SHANK1: variants seen among roughly 807,000 people sequenced by gnomAD.
The protein encoded by SHANK1 is SH3 and multiple ankyrin repeat domains protein 1.
Under a neutral mutation model 165.6 loss-of-function variants are expected in SHANK1, and 35 were observed. The observed-to-expected ratio is 0.21, with a 90% CI of 0.16 to 0.28. The LOEUF (loss-of-function observed/expected upper bound fraction) is 0.28. Ranked by LOEUF, SHANK1 falls within the 10% of genes least tolerant of loss-of-function variation. The pLI, the probability that SHANK1 is intolerant of heterozygous loss-of-function variation, is 1.00. For missense variants in SHANK1, 2,681 were observed against 3,036.4 expected (o/e 0.88, Z 2.75); for synonymous variants, 1,428 against 1,384.8 (o/e 1.03, Z -0.69).
rs1328318364 is a variant in SHANK1 at position 50,713,617 on chromosome 19, T to G, written c.792+181A>C. On this transcript the variant is annotated intron_variant, in intron 6 of 23. Transcript: ENST00000293441. This position sits in a 1 kb window ranked among gnomAD's most constrained non-coding sequence, Gnocchi z 6.2. ...GTCAGCTATAGCCCAGGTGGGTGCA[T>G]CTGGGGGGCCTGACAAGGGTGACAA... Among the ~76,000 whole-genome samples the G allele has an allele frequency of 6.6e-6, 1 of 151,890 alleles. No homozygotes were observed. The highest frequency in any genetic ancestry group is 1.5e-5 in the Non-Finnish European group (1 of 67,970).
At chr19:50,679,111 G>A (rs1986085327) in intron 21 of SHANK1, among the ~76,000 whole-genome samples, 2 of 130,988 alleles carry the variant, frequency 1.5e-5, no homozygotes, top group African/African-American at 5.9e-5. Context: ...CAGGGTGTGG[G>A]GAGGGGTCAG....
intron 22 of SHANK1, among the ~76,000 whole-genome samples, chr19:50,671,507 C>G (rs866881550): frequency 7.3e-5 from 11 of 150,554 alleles, no homozygotes; most frequent in Non-Finnish European, 1.5e-4. Context: ...TTTTCCATAG[C>G]ACGTACAACT....
In SHANK1 at chr19:50,662,712, G is replaced by T; in HGVS notation, c.5769-30C>A. ...AATGTGACAAGGGGGCAGTGGGGGA[G>T]GACAGGGATTTAGGGGGCAAGGGCA... On this transcript the variant is annotated intron_variant, in intron 23 of 23. Transcript: ENST00000293441. This position sits in a 1 kb window ranked among gnomAD's most constrained non-coding sequence, Gnocchi z 7.7. 6.4e-7 allele frequency: 1 copy of T among 1,554,666 alleles called. No homozygotes were observed. The highest frequency in any genetic ancestry group is 1.2e-5 in the South Asian group (1 of 84,262).
intron 21 of SHANK1, among the ~76,000 whole-genome samples, chr19:50,676,966 G>A (rs1208008128): frequency 6.6e-6 from 1 of 152,064 alleles, no homozygotes; most frequent in Non-Finnish European, 1.5e-5. Context: ...CCTGCTACCT[G>A]GAATGCTGGT....
rs1378593305 is a variant in SHANK1 at position 50,670,719 on chromosome 19, G to A, written c.2674+1299C>T. On this transcript the variant is annotated intron_variant, in intron 22 of 23. Transcript: ENST00000293441. This position sits in a 1 kb window ranked among gnomAD's most constrained non-coding sequence, Gnocchi z 4.1. ...AGCCCGACCTCAGGACCTTTGCAGA[G>A]GTAGTTCGCTCTGCCTGGAATGCCT... Among the ~76,000 whole-genome samples the A allele has an allele frequency of 1.3e-5, 2 of 152,176 alleles. No individual in the cohort carries two copies. Among genetic ancestry groups the A allele is most frequent in the Non-Finnish European group, 2.9e-5 (2 of 68,042 alleles).
chr19:50,695,397 A>T (rs1599860644), intron 15 of SHANK1, among the ~76,000 whole-genome samples: 1 of 63,310 alleles, frequency 1.6e-5, no homozygotes, highest in East Asian at 5.0e-4. Context: ...CGGGCGGCGG[A>T]GGGGGCCGGG....
chr19:50,686,580 G>C lies in SHANK1; in HGVS notation c.2458+164C>G, dbSNP rs1043606077. Among the ~76,000 whole-genome samples, 1 of 152,080 alleles carries C rather than the reference G, an allele frequency of 6.6e-6. No individual in the cohort carries two copies. Among genetic ancestry groups the C allele is most frequent in the Non-Finnish European group, 1.5e-5 (1 of 68,004 alleles). ...GTGGGAAGGGGTGCGGGCAGGGAAC[G>C]GGGCAGCCGTCGGGAGAGGGCGGGC... On this transcript the variant is annotated intron_variant, in intron 20 of 23. Transcript: ENST00000293441. The surrounding 1 kb of genome is among the most constrained non-coding windows in gnomAD (Gnocchi z 5.7).
rs2089093194 is a variant in SHANK1 at position 50,718,414 on chromosome 19, G to A, written c.-44+992C>T. Among the ~76,000 whole-genome samples the A allele has an allele frequency of 6.6e-6, 1 of 152,130 alleles. No homozygotes were observed. Among genetic ancestry groups the A allele is most frequent in the South Asian group, 2.1e-4 (1 of 4,830 alleles). On this transcript the variant is annotated intron_variant, in intron 1 of 23. Coordinates refer to ENST00000293441, the MANE Select transcript of SHANK1 (RefSeq NM_016148.5). This position sits in a 1 kb window ranked among gnomAD's most constrained non-coding sequence, Gnocchi z 5.1. The stretch of plus-strand genomic sequence containing the variant: ...CTGACCCCCAGCCTCAACCCCGCTC[G>A]GAGGGGGTGGCCGGTGGGATGAAAG...
intron 21 of SHANK1, among the ~76,000 whole-genome samples, chr19:50,681,408 T>C (rs916587954): frequency 2.6e-5 from 4 of 151,666 alleles, no homozygotes; most frequent in Non-Finnish European, 5.9e-5. Context: ...TGCTTGTGAG[T>C]TTCATTTCTA....
At chr19:50,683,742 G>C (rs1986247295) in intron 21 of SHANK1, among the ~76,000 whole-genome samples, 1 of 152,060 alleles carries the variant, frequency 6.6e-6, no homozygotes, top group Non-Finnish European at 1.5e-5. Context: ...CCACACATAG[G>C]GCTACTCAAG....
At chr19:50,689,150 T>C (rs775525624) in intron 16 of SHANK1, 47 bp downstream of exon 16, 12 of 1,467,272 alleles carry the variant, frequency 8.2e-6, no homozygotes, top group East Asian at 6.8e-5. Flanking sequence ...GCCCTGCTTC[T>C]GGGGTCACAG....
At position 50,717,321 on chromosome 19, in the gene SHANK1, G is replaced by A. The variant is rs2089082308; in HGVS notation, c.-43-359C>T. 6.6e-6 allele frequency among the ~76,000 whole-genome samples: 1 copy of A among 152,246 alleles called. No individual in the cohort carries two copies. Among genetic ancestry groups the A allele is most frequent in the South Asian group, 2.1e-4 (1 of 4,838 alleles). ...ACTTTGCCAGGCCACAGAAAATGCA[G>A]CTAAAATTAGCTAAGGACAGACAGG... On this transcript the variant is annotated intron_variant, in intron 1 of 23. Coordinates refer to ENST00000293441, the MANE Select transcript of SHANK1 (RefSeq NM_016148.5). This position sits in a 1 kb window ranked among gnomAD's most constrained non-coding sequence, Gnocchi z 5.5.
chr19:50,707,337 C>A (rs2088952169), intron 8 of SHANK1, among the ~76,000 whole-genome samples: 1 of 152,150 alleles, frequency 6.6e-6, no homozygotes, highest in African/African-American at 2.4e-5. Flanking sequence ...CCTGGCCAAA[C>A]CCAACTTGGC....
intron 12 of SHANK1, among the ~76,000 whole-genome samples, chr19:50,699,903 AG>A (rs1986855661): frequency 1.1e-5 from 1 of 88,858 alleles, no homozygotes; most frequent in Non-Finnish European, 2.4e-5. Flanking sequence ...GGGGCATTGG[AG>A]GATTGGAGGG....
intron 23 of SHANK1, among the ~76,000 whole-genome samples, chr19:50,663,940 C>CTCTT (rs370276151): frequency 9.2e-4 from 100 of 108,908 alleles, no homozygotes; most frequent in African/African-American, 1.5e-3. Context: ...CTCTCTCTCT[C>CTCTT]TTTTTTTTTT....
chr19:50,668,699 C>A lies in SHANK1; in HGVS notation c.3261G>T (p.Leu1087=). 1 of 1,301,330 alleles carries A rather than the reference C, an allele frequency of 7.7e-7. No homozygotes were observed. Among genetic ancestry groups the A allele is most frequent in the Non-Finnish European group, 9.7e-7 (1 of 1,031,462 alleles). 80.6% of individuals were successfully genotyped at this position (1,301,330 alleles called of 1,614,324 possible). ...SQGPALRYFQ[L]PPRAASAAMY... is the part of the protein sequence containing the mutation. ...TGGCTGCGCTGGCCGCCCGCGGGGG[C>A]AGCTGGAAATAGCGTAGAGCCGGGC... The change falls in exon 23 of 24, where the codon CTG becomes CTT. Residue 1087 remains leucine, a synonymous_variant. Coordinates refer to ENST00000293441, the MANE Select transcript of SHANK1 (RefSeq NM_016148.5).
At chr19:50,680,685 G>A (rs1169621920) in intron 21 of SHANK1, among the ~76,000 whole-genome samples, 5 of 142,084 alleles carry the variant, frequency 3.5e-5, no homozygotes, top group Admixed American at 7.0e-5. Context: ...AGACAGAATC[G>A]CACCCTGTCA....
chr19:50,662,106 G>A lies in SHANK1; in HGVS notation c.6345C>T (p.His2115=), dbSNP rs765003355. 3.7e-6 allele frequency: 6 copies of A among 1,614,014 alleles called. No individual in the cohort carries two copies. Among genetic ancestry groups the A allele is most frequent in the Non-Finnish European group, 5.1e-6 (6 of 1,180,000 alleles). ...DWLEWLGLAE[H]RAQFLDHEID... is the part of the protein sequence containing the mutation. ...TCTCGTGGTCCAGGAACTGGGCTCG[G>A]TGCTCCGCCAAACCCAGCCACTCCA... Residue 2115 remains histidine (H), a synonymous_variant, in exon 24 of 24, where the codon CAC becomes CAT. Coordinates refer to ENST00000293441, the MANE Select transcript of SHANK1 (RefSeq NM_016148.5). The surrounding 1 kb of genome is among the most constrained non-coding windows in gnomAD (Gnocchi z 7.7).
chr19:50,710,799 G>A (rs1307016067), intron 8 of SHANK1, among the ~76,000 whole-genome samples: 3 of 152,216 alleles, frequency 2.0e-5, no homozygotes, highest in Admixed American at 2.0e-4. Flanking sequence ...GTGCCCTGCC[G>A]TGCCGCCACG....
Sources: gnomAD v4.1 joint callset for allele counts (sites outside exome capture counted in the v4.1 genomes callset) on GRCh38, gnomAD v4.1.1 for gene constraint, Gnocchi (gnomAD v3.1) non-coding constraint, MANE v1.5 for transcripts, NCBI Gene and HGNC (gene_info 2026-07-23, HGNC 2026-07-21) for gene names.